DAAM2: variants seen among roughly 807,000 people sequenced by gnomAD.
DAAM2 encodes disheveled-associated activator of morphogenesis 2.
In DAAM2, 39 loss-of-function variants were observed where a neutral mutation model predicts 120.7. That is an observed-to-expected ratio of 0.32 (90% CI 0.25 to 0.42). The LOEUF (loss-of-function observed/expected upper bound fraction) is 0.42. Among genes scored for constraint, DAAM2 ranks in the 10% least tolerant of loss-of-function variants. The pLI is 1.00. For synonymous variants in DAAM2, 488 were observed against 524.9 expected, an observed-to-expected ratio of 0.93 and a Z score of 0.96; for missense variants, 1,283 against 1,401.7, an observed-to-expected ratio of 0.92 and a Z score of 1.35.
chr6:39,820,955 A>C (rs1762468951), intron 1 of DAAM2: 1 of 152,256 alleles, frequency 6.6e-6, no homozygotes, highest in Non-Finnish European at 1.5e-5. Context: ...AGAGGAAAGT[A>C]GGTGAGTTCC....
chr6:39,799,043 G>A (rs1561991279), intron 1 of DAAM2, among the ~76,000 whole-genome samples: 1 of 152,170 alleles, frequency 6.6e-6, no homozygotes, highest in African/African-American at 2.4e-5. Flanking sequence ...GGAATGAGTA[G>A]GACTTGCCCA....
At chr6:39,845,199 G>T (rs934601501) in intron 1 of DAAM2, among the ~76,000 whole-genome samples, 1 of 42,466 alleles carries the variant, frequency 2.4e-5, no homozygotes, top group African/African-American at 8.8e-5. Context: ...CACCAGACAT[G>T]CACATAAACC....
At chr6:39,818,182 TAAAAAAAA>T (rs752326154) in intron 1 of DAAM2, among the ~76,000 whole-genome samples, 1 of 85,854 alleles carries the variant, frequency 1.2e-5, no homozygotes, top group African/African-American at 4.7e-5. Context: ...GCATCTCAAT[TAAAAAAAA>T]AAAAAAAAAA....
chr6:39,815,023 G>A (rs976546934), intron 1 of DAAM2, among the ~76,000 whole-genome samples: 8 of 152,332 alleles, frequency 5.3e-5, no homozygotes, highest in African/African-American at 1.9e-4. Context: ...GAGGGCAGTG[G>A]TTCTCAAATT....
At chr6:39,836,702 G>A (rs901926349) in intron 1 of DAAM2, among the ~76,000 whole-genome samples, 2 of 152,200 alleles carry the variant, frequency 1.3e-5, no homozygotes, top group African/African-American at 2.4e-5. Context: ...TAAAGCTTGA[G>A]AACGGCTGGT....
Position 39,901,254 on chromosome 6 carries a change from A to C in DAAM2, c.2812-48A>C. On this transcript the variant is annotated intron_variant, in intron 23 of 24. Transcript: ENST00000274867. This position sits in a 1 kb window ranked among gnomAD's most constrained non-coding sequence, Gnocchi z 4.5. ...CCAGCTAACCTCAGGGGCTGAGCCC[A>C]GCATGCTCCAGGGCACTCTCCACCA... 10 of 1,554,236 alleles carry C rather than the reference A, an allele frequency of 6.4e-6. No homozygotes were observed. Among genetic ancestry groups the C allele is most frequent in the Non-Finnish European group, 8.8e-6 (10 of 1,135,504 alleles).
intron 1 of DAAM2, among the ~76,000 whole-genome samples, chr6:39,800,318 GC>G: frequency 6.6e-6 from 1 of 152,270 alleles, no homozygotes; most frequent in Non-Finnish European, 1.5e-5. Flanking sequence ...TGTCTCCTGG[GC>G]CTGGGGTAGC....
At chr6:39,853,595 C>T (rs560859503) in intron 1 of DAAM2, among the ~76,000 whole-genome samples, 1 of 152,318 alleles carries the variant, frequency 6.6e-6, no homozygotes, top group East Asian at 1.9e-4. Context: ...AAGACTGTGC[C>T]AAGGTGCACC....
chr6:39,870,347 T>C lies in DAAM2; in HGVS notation c.881T>C (p.Leu294Pro). 1 of 1,569,474 alleles carries C rather than the reference T, an allele frequency of 6.4e-7. No individual in the cohort carries two copies. The highest frequency in any genetic ancestry group is 8.7e-7 in the Non-Finnish European group (1 of 1,155,062). Residue 294 changes from leucine (L) to proline (P), a missense_variant, in exon 8 of 25, where the codon CTG becomes CCG. Leu to Pro is a moderately conservative substitution (Grantham distance 98, BLOSUM62 -3). Around this residue, in one of 3 missense-constraint regions of DAAM2, gnomAD observed 338 missense variants for 443.9 expected, o/e 0.76. Coordinates refer to ENST00000274867, the MANE Select transcript of DAAM2 (RefSeq NM_001201427.2). ...VLNAGAGEDN[L>P]EFRLHLRYEF... ...TCCCTTGGTGACCCCCAGGATAATCTGGAGTTCCGCCTACATCTACGGTAT... is the reference window on the plus strand; with the variant it reads ...TCCCTTGGTGACCCCCAGGATAATCCGGAGTTCCGCCTACATCTACGGTAT...
chr6:39,856,693 C>G (rs563730187), intron 2 of DAAM2, among the ~76,000 whole-genome samples: 7 of 152,216 alleles, frequency 4.6e-5, no homozygotes, highest in Non-Finnish European at 7.3e-5. Flanking sequence ...CCTACCTCCT[C>G]TCTGCATTGG....
chr6:39,887,718 A>ATGG (rs1765461394), intron 16 of DAAM2, 126 bp downstream of exon 16: 5 of 679,796 alleles, frequency 7.4e-6, no homozygotes, highest in Non-Finnish European at 1.0e-5. Context: ...ATTGATCTGG[A>ATGG]ACTGTCTCTC....
At chr6:39,855,927 C>G (rs1582681369) in intron 1 of DAAM2, 8 of 573,134 alleles carry the variant, frequency 1.4e-5, no homozygotes, top group Non-Finnish European at 1.8e-5. Context: ...AAAGTCAGCT[C>G]TGGTCACATG....
intron 1 of DAAM2, among the ~76,000 whole-genome samples, chr6:39,842,500 G>A (rs1266086226): frequency 1.3e-5 from 2 of 152,114 alleles, no homozygotes; most frequent in Admixed American, 6.5e-5. Flanking sequence ...GGGCGTGGTG[G>A]TGCATGCCTG....
chr6:39,904,210 C>T lies in DAAM2; in HGVS notation c.*2173C>T, dbSNP rs1176160444. The T allele has an allele frequency of 2.2e-6, 1 of 456,598 alleles. No homozygotes were observed. Among genetic ancestry groups the T allele is most frequent in the African/African-American group, 2.0e-5 (1 of 50,088 alleles). The allele number at this position is 456,598 out of a possible 1,614,324, so 28.3% of individuals were successfully genotyped here. A position where few individuals can be genotyped will look rare whatever the true frequency, so the allele number is the denominator to read the frequency against. On this transcript the variant is annotated 3_prime_UTR_variant, in exon 25 of 25. Coordinates refer to ENST00000274867, the MANE Select transcript of DAAM2 (RefSeq NM_001201427.2). ...ATCTTCAGAAAAGCAGAATTTGGTT[C>T]AACTGTTGACAGAGGACACAAATAC... is the stretch of plus-strand genomic sequence containing the variant.
chr6:39,901,379 C>T lies in DAAM2; in HGVS notation c.2889C>T (p.Thr963=). The change falls in exon 24 of 25, where the codon ACC becomes ACT. Residue 963 remains threonine, a synonymous_variant. Coordinates refer to ENST00000274867, the MANE Select transcript of DAAM2 (RefSeq NM_001201427.2). The surrounding 1 kb of genome is among the most constrained non-coding windows in gnomAD (Gnocchi z 4.5). The part of the protein sequence containing the change: ...QPDEFFGIFD[T]FLQAFSEARQ... ...ACGAATTCTTTGGCATCTTTGATAC[C>T]TTCTTGCAGGCCTTCTCAGAGGCCC... 1 of 1,613,908 alleles carries T rather than the reference C, an allele frequency of 6.2e-7. No homozygotes were observed. The highest frequency in any genetic ancestry group is 8.5e-7 in the Non-Finnish European group (1 of 1,179,872).
In DAAM2 at chr6:39,802,595, T is replaced by A. The variant is rs571528249; in HGVS notation, c.-57+10130T>A. 3.9e-5 allele frequency among the ~76,000 whole-genome samples: 6 copies of A among 152,318 alleles called. No homozygotes were observed. The South Asian group carries it at 1.2e-3, about 32-fold the overall frequency. ...CATCTCATTAGCTGTTTCCCCAGCA[T>A]CCTGCATAGTGTCTGGCACAGAGTT... On this transcript the variant is annotated intron_variant, in intron 1 of 24. Coordinates refer to ENST00000274867, the MANE Select transcript of DAAM2 (RefSeq NM_001201427.2).
intron 1 of DAAM2, among the ~76,000 whole-genome samples, chr6:39,855,174 G>A (rs1205517570): frequency 6.6e-6 from 1 of 152,172 alleles, no homozygotes; most frequent in Non-Finnish European, 1.5e-5. Flanking sequence ...CATAAGCTAT[G>A]GTCTCTCTAC....
intron 1 of DAAM2, among the ~76,000 whole-genome samples, chr6:39,832,209 G>A (rs1306005863): frequency 6.6e-6 from 1 of 151,982 alleles, no homozygotes; most frequent in Non-Finnish European, 1.5e-5. Flanking sequence ...TTAAACCTGG[G>A]TGAAAGTGGG....
chr6:39,835,913 GCTTC>G (rs1327872555), intron 1 of DAAM2, among the ~76,000 whole-genome samples: 2 of 152,066 alleles, frequency 1.3e-5, no homozygotes, highest in Non-Finnish European at 2.9e-5. Flanking sequence ...CTTATATTCT[GCTTC>G]CTTTCCTCCA....
Sources: gnomAD v4.1 joint callset for allele counts (sites outside exome capture counted in the v4.1 genomes callset) on GRCh38, gnomAD v4.1.1 for gene constraint, gnomAD v4.1.1 regional missense constraint, Gnocchi (gnomAD v3.1) non-coding constraint, MANE v1.5 for transcripts, NCBI Gene and HGNC (gene_info 2026-07-23, HGNC 2026-07-21) for gene names.